ADAMTS16: variants seen among roughly 807,000 people sequenced by gnomAD.
ADAMTS16 encodes the protein ADAM metallopeptidase with thrombospondin type 1 motif 16, also known as A disintegrin and metalloproteinase with thrombospondin motifs 16.
ADAMTS16 carries 94 observed loss-of-function variants against 145.8 expected under a neutral mutation model. That is an observed-to-expected ratio of 0.64 (90% CI 0.55 to 0.77). The LOEUF is 0.77. ADAMTS16 is among the 30% of genes least tolerant of loss of function. The pLI is 0.00. For synonymous variants in ADAMTS16, 659 were observed against 604.3 expected, an observed-to-expected ratio of 1.09 and a Z score of -1.33; for missense variants, 1,585 against 1,591.5, an observed-to-expected ratio of 1.00 and a Z score of 0.07.
At chr5:5,293,806 A>C (rs1739423818) in intron 18 of ADAMTS16, among the ~76,000 whole-genome samples, 1 of 152,212 alleles carries the variant, frequency 6.6e-6, no homozygotes, top group African/African-American at 2.4e-5. Flanking sequence ...GACCAAATGA[A>C]CCGTTAGGTC....
chr5:5,156,881 G>C (rs6873435), intron 3 of ADAMTS16, among the ~76,000 whole-genome samples: 3 of 152,012 alleles, frequency 2.0e-5, no homozygotes, highest in African/African-American at 7.3e-5. Flanking sequence ...TCTGTCCTTC[G>C]TGATTGTGGA....
Position 5,177,881 on chromosome 5 carries a change from G to A in ADAMTS16, c.502-4163G>A, listed in dbSNP as rs925638466. ...GGCTCTCATGAATAGGGCGCATGGC[G>A]TCACCTGAGACACGCTTGGAACTGG... On this transcript the variant is annotated intron_variant, in intron 3 of 22. Coordinates refer to ENST00000274181, the MANE Select transcript of ADAMTS16 (RefSeq NM_139056.4). Among the ~76,000 whole-genome samples the A allele has an allele frequency of 2.6e-5, 4 of 152,240 alleles. 1 individual carries two copies. The highest frequency in any genetic ancestry group is 4.2e-4 in the South Asian group (2 of 4,810).
chr5:5,286,335 T>C (rs112540804), intron 18 of ADAMTS16, among the ~76,000 whole-genome samples: 1,905 of 152,304 alleles, frequency 0.013, 45 homozygotes, highest in African/African-American at 0.043. Flanking sequence ...AATTTCATTA[T>C]ACAGTACAGT....
At chr5:5,197,321 A>G (rs779827156) in intron 8 of ADAMTS16, among the ~76,000 whole-genome samples, 42 of 152,358 alleles carry the variant, frequency 2.8e-4, no homozygotes, top group Admixed American at 2.0e-4. Context: ...AGAAGATGAT[A>G]AAAGCATGAC....
intron 21 of ADAMTS16, among the ~76,000 whole-genome samples, chr5:5,315,189 C>T (rs1734001549): frequency 6.6e-6 from 1 of 152,104 alleles, no homozygotes; most frequent in South Asian, 2.1e-4. Flanking sequence ...CTTGCAAAAC[C>T]ATCAGATCTC....
chr5:5,192,543 G>T (rs1384650419), intron 8 of ADAMTS16, among the ~76,000 whole-genome samples: 1 of 152,110 alleles, frequency 6.6e-6, no homozygotes, highest in Non-Finnish European at 1.5e-5. Flanking sequence ...AAGAGATCAG[G>T]CAGGCCTCTA....
chr5:5,281,325 C>T (rs1185657665), intron 18 of ADAMTS16, among the ~76,000 whole-genome samples: 5 of 152,152 alleles, frequency 3.3e-5, no homozygotes, highest in African/African-American at 1.2e-4. Context: ...GTTTTTAAAA[C>T]TTTTGTATTA....
At position 5,146,207 on chromosome 5, in the gene ADAMTS16, C is replaced by T. The variant is rs375714169; in HGVS notation, c.253C>T (p.Arg85Trp). The T allele has an allele frequency of 2.7e-5, 44 of 1,614,002 alleles. No homozygotes were observed. The highest frequency in any genetic ancestry group is 1.6e-4 in the Middle Eastern group (1 of 6,084). ...VSHEIMHHQRRRRAVPVSEVE... is the reference protein window; with the variant it reads ...VSHEIMHHQRWRRAVPVSEVE... ...CCATGAAATCATGCACCATCAGCGG[C>T]GGAGAAGAGCAGTGCCCGTGTCCGA... is the stretch of plus-strand genomic sequence containing the variant. Residue 85 changes from arginine (R) to tryptophan (W), a missense_variant, in exon 3 of 23, where the codon CGG (arginine) becomes TGG (tryptophan). Arg to Trp is a moderately radical substitution (Grantham distance 101). Coordinates refer to ENST00000274181, the MANE Select transcript of ADAMTS16 (RefSeq NM_139056.4).
chr5:5,240,296 TAGGAG>T (rs2126387736), intron 16 of ADAMTS16, among the ~76,000 whole-genome samples: 1 of 152,184 alleles, frequency 6.6e-6, no homozygotes, highest in Non-Finnish European at 1.5e-5. Flanking sequence ...TCTGTGGCAA[TAGGAG>T]AGGAGAGCCC....
Position 5,312,422 on chromosome 5 carries a change from TTTTTTTGTTG to T in ADAMTS16, c.3412-5699_3412-5690del, listed in dbSNP as rs903064920. On this transcript the variant is annotated intron_variant, in intron 21 of 22. Coordinates refer to ENST00000274181, the MANE Select transcript of ADAMTS16 (RefSeq NM_139056.4). ...AGGAGACCTCTTGTCATTTTCTCTC[TTTTTTTGTTG>T]TTTTTTGTTGTTGTTATTTTTTTTT... Among the ~76,000 whole-genome samples the T allele has an allele frequency of 4.1e-3, 620 of 151,258 alleles. 5 individuals are homozygous for T. The highest frequency in any genetic ancestry group is 0.013 in the African/African-American group (540 of 41,268).
intron 18 of ADAMTS16, among the ~76,000 whole-genome samples, chr5:5,300,213 G>A (rs1294489882): frequency 6.6e-6 from 1 of 152,158 alleles, no homozygotes; most frequent in Non-Finnish European, 1.5e-5. Flanking sequence ...TAAGGCTGCA[G>A]GATTGAGAGA....
chr5:5,179,134 C>G (rs557224435), intron 3 of ADAMTS16, among the ~76,000 whole-genome samples: 3 of 149,036 alleles, frequency 2.0e-5, no homozygotes, highest in African/African-American at 7.5e-5. Context: ...AGTAGCTGTT[C>G]TTATATCTGC....
intron 18 of ADAMTS16, among the ~76,000 whole-genome samples, chr5:5,270,974 C>T (rs1433369398): frequency 6.6e-6 from 1 of 152,186 alleles, no homozygotes; most frequent in African/African-American, 2.4e-5. Context: ...CGTGCTCTGT[C>T]TGACACTAAG....
chr5:5,191,579 A>G, intron 7 of ADAMTS16, 106 bp from the exon 8 acceptor site: 2 of 903,354 alleles, frequency 2.2e-6, no homozygotes. Context: ...ATATTTTCCC[A>G]TATGAACATA....
chr5:5,232,247 GGA>G lies in ADAMTS16; in HGVS notation c.1702-119_1702-118del, dbSNP rs1736950123. 16 of 1,112,818 alleles carry G rather than the reference GGA, an allele frequency of 1.4e-5. No individual in the cohort carries two copies. In the South Asian group the frequency reaches 1.8e-4, roughly 12 times the overall value. The allele number at this position is 1,112,818 out of a possible 1,614,324, so 68.9% of individuals were successfully genotyped here. A position where few individuals can be genotyped will look rare whatever the true frequency, so the allele number is the denominator to read the frequency against. On this transcript the variant is annotated intron_variant, in intron 11 of 22. Transcript: ENST00000274181. The stretch of plus-strand genomic sequence containing the variant: ...TATTAGGTGCTGCTTGAGTGTAGGG[GGA>G]GGCTAATGTCTGCATAGTTTACAAA...
In ADAMTS16 at chr5:5,265,407, G is replaced by A. The variant is rs576164979; in HGVS notation, c.2789+2624G>A. 7.2e-4 allele frequency among the ~76,000 whole-genome samples: 110 copies of A among 152,314 alleles called. 1 individual carries two copies. Among genetic ancestry groups the A allele is most frequent in the African/African-American group, 2.5e-3 (105 of 41,578 alleles). On this transcript the variant is annotated intron_variant, in intron 18 of 22. Coordinates refer to ENST00000274181, the MANE Select transcript of ADAMTS16 (RefSeq NM_139056.4). The stretch of plus-strand genomic sequence containing the variant: ...AGAACTGCAAAAAGCGTGAAGAAGG[G>A]TTGGTCCTTGTGGAATCTCGGTTTG...
chr5:5,140,861 T>C (rs1734145621), intron 2 of ADAMTS16, 95 bp downstream of exon 2: 1 of 1,191,820 alleles, frequency 8.4e-7, no homozygotes, highest in East Asian at 3.1e-5. Flanking sequence ...TGTTCACGAC[T>C]CTGTGGAACC....
rs181734544 is a variant in ADAMTS16 at position 5,225,339 on chromosome 5, C to T, written c.1701+2455C>T. Among the ~76,000 whole-genome samples, 124 of 152,254 alleles carry T rather than the reference C, an allele frequency of 8.1e-4. 1 individual carries two copies. Among genetic ancestry groups the T allele is most frequent in the Admixed American group, 2.5e-3 (38 of 15,284 alleles). On this transcript the variant is annotated intron_variant, in intron 11 of 22. Transcript: ENST00000274181. Reference sequence around the variant, plus strand: ...GAAAGAGACCGGGCGCAGTGGCTCACGACTGTAATCTCAGCACTTTGGAAA... The same window carrying T: ...GAAAGAGACCGGGCGCAGTGGCTCATGACTGTAATCTCAGCACTTTGGAAA...
chr5:5,318,768 C>T (rs1734157765), intron 22 of ADAMTS16, among the ~76,000 whole-genome samples: 1 of 152,126 alleles, frequency 6.6e-6, no homozygotes, highest in South Asian at 2.1e-4. Context: ...TCAACAGAGG[C>T]TCCAATGGGT....
Sources: allele counts gnomAD v4.1 joint callset (sites outside exome capture counted in the v4.1 genomes callset), GRCh38; gene constraint gnomAD v4.1.1; transcripts MANE v1.5; gene names NCBI Gene and HGNC (gene_info 2026-07-23, HGNC 2026-07-21).